GRIA4: variants seen among roughly 807,000 people sequenced by gnomAD.
The protein encoded by GRIA4 is glutamate receptor 4.
GRIA4 carries 34 observed loss-of-function variants against 104.0 expected under a neutral mutation model. The observed-to-expected ratio is 0.33, with a 90% CI of 0.25 to 0.44. The LOEUF is 0.44. GRIA4 is among the 20% of genes least tolerant of loss of function. GRIA4 has a pLI of 1.00. For missense variants in GRIA4, 750 were observed against 1,096.5 expected, an observed-to-expected ratio of 0.68 and a Z score of 4.46; for synonymous variants, 386 against 381.9, an observed-to-expected ratio of 1.01 and a Z score of -0.13.
chr11:105,870,209 TTC>T (rs1271251847), intron 5 of GRIA4, among the ~76,000 whole-genome samples: 3 of 150,440 alleles, frequency 2.0e-5, no homozygotes, highest in South Asian at 2.1e-4. Flanking sequence ...TTAATATATA[TTC>T]TGTTTTTATA....
intron 4 of GRIA4, among the ~76,000 whole-genome samples, chr11:105,796,297 A>G (rs1344872754): frequency 1.3e-5 from 2 of 152,086 alleles, no homozygotes; most frequent in Non-Finnish European, 2.9e-5. Flanking sequence ...TTTCTATTTG[A>G]TCAAATCTTC....
At chr11:105,727,061 T>C (rs1477117385) in intron 3 of GRIA4, among the ~76,000 whole-genome samples, 1 of 151,922 alleles carries the variant, frequency 6.6e-6, no homozygotes, top group Non-Finnish European at 1.5e-5. Context: ...AAGTAGGCTT[T>C]AGAAGGTGGG....
chr11:105,841,791 C>G (rs1046174060), intron 4 of GRIA4, among the ~76,000 whole-genome samples: 2 of 152,042 alleles, frequency 1.3e-5, no homozygotes, highest in Non-Finnish European at 2.9e-5. Context: ...CACTCCAGTT[C>G]GGATATGCAG....
chr11:105,681,131 A>G (rs1952696539), intron 3 of GRIA4, among the ~76,000 whole-genome samples: 1 of 152,240 alleles, frequency 6.6e-6, no homozygotes, highest in South Asian at 2.1e-4. Flanking sequence ...GAGAGAGCAT[A>G]TGATCCTTGG....
At chr11:105,860,021 G>T (rs2136014086) in intron 4 of GRIA4, among the ~76,000 whole-genome samples, 1 of 152,170 alleles carries the variant, frequency 6.6e-6, no homozygotes, top group East Asian at 1.9e-4. Context: ...TGGGGCGGAG[G>T]ATCTAGGTAA....
At chr11:105,769,953 C>G (rs866319858) in intron 4 of GRIA4, among the ~76,000 whole-genome samples, 5 of 152,036 alleles carry the variant, frequency 3.3e-5, no homozygotes, top group African/African-American at 1.2e-4. Context: ...AAGATATAGA[C>G]TACTAGTTAC....
At chr11:105,862,303 T>C in intron 5 of GRIA4, 95 bp downstream of exon 5, 1 of 685,634 alleles carries the variant, frequency 1.5e-6, no homozygotes, top group Non-Finnish European at 2.5e-6. Flanking sequence ...TCCCAGCTTT[T>C]AATTTGGAGT....
At chr11:105,949,765 T>C (rs1213409705) in intron 14 of GRIA4, among the ~76,000 whole-genome samples, 3 of 152,192 alleles carry the variant, frequency 2.0e-5, no homozygotes, top group Non-Finnish European at 2.9e-5. Context: ...TGTTCTAATA[T>C]GAGTTTGGAG....
At chr11:105,905,757 A>G (rs1366433325) in intron 9 of GRIA4, among the ~76,000 whole-genome samples, 2 of 152,188 alleles carry the variant, frequency 1.3e-5, no homozygotes, top group East Asian at 3.8e-4. Flanking sequence ...AATTTCAATG[A>G]CCAAAAGAGA....
At chr11:105,714,071 A>T (rs900620424) in intron 3 of GRIA4, among the ~76,000 whole-genome samples, 1 of 152,152 alleles carries the variant, frequency 6.6e-6, no homozygotes, top group Non-Finnish European at 1.5e-5. Flanking sequence ...CTTGTAGGTG[A>T]GAATTGTGGG....
rs57069838 is a variant in GRIA4, at chr11:105,883,276, CTT to C, written c.673-4229_673-4228del. Among the ~76,000 whole-genome samples the C allele has an allele frequency of 6.2e-3, 858 of 138,106 alleles. 3 individuals are homozygous for C. Among genetic ancestry groups the C allele is most frequent in the African/African-American group, 0.015 (568 of 37,380 alleles). 90.6% of individuals were successfully genotyped at this position (138,106 alleles called of 152,430 possible). A position where few individuals can be genotyped will look rare whatever the true frequency, so the allele number is the denominator to read the frequency against. On this transcript the variant is annotated intron_variant, in intron 5 of 16. Transcript: ENST00000282499. ...TATTTTTAGTCTAGTTGCACCGTTT[CTT>C]TTTTTTTTTTTTTAATACTTTTAAG...
chr11:105,885,888 C>A (rs1946238877), intron 5 of GRIA4, among the ~76,000 whole-genome samples: 1 of 152,172 alleles, frequency 6.6e-6, no homozygotes, highest in Non-Finnish European at 1.5e-5. Flanking sequence ...CTATTAGAAG[C>A]AAACAGAAAA....
At chr11:105,639,103 G>T (rs1951287387) in intron 3 of GRIA4, among the ~76,000 whole-genome samples, 1 of 152,020 alleles carries the variant, frequency 6.6e-6, no homozygotes, top group African/African-American at 2.4e-5. Flanking sequence ...CCTTTTACTT[G>T]GAATGGGAAT....
chr11:105,927,882 A>C (rs530040899), intron 13 of GRIA4, among the ~76,000 whole-genome samples: 1 of 152,040 alleles, frequency 6.6e-6, no homozygotes, highest in African/African-American at 2.4e-5. Flanking sequence ...ATTTATGTCA[A>C]TTGTTTAAAC....
intron 3 of GRIA4, among the ~76,000 whole-genome samples, chr11:105,642,571 G>A (rs1385689753): frequency 4.1e-5 from 5 of 122,026 alleles, no homozygotes; most frequent in South Asian, 2.8e-4. Flanking sequence ...AAAGGCTGTC[G>A]CCAGCACCTC....
At chr11:105,771,313 T>C (rs1941198155) in intron 4 of GRIA4, among the ~76,000 whole-genome samples, 1 of 152,068 alleles carries the variant, frequency 6.6e-6, no homozygotes, top group African/African-American at 2.4e-5. Flanking sequence ...TATGCTCCTA[T>C]GATTATGTTC....
chr11:105,673,281 C>G (rs1243289947), intron 3 of GRIA4, among the ~76,000 whole-genome samples: 3 of 152,120 alleles, frequency 2.0e-5, no homozygotes, highest in Non-Finnish European at 4.4e-5. Context: ...AATTAACTAA[C>G]AGAAGCGCTG....
intron 14 of GRIA4, among the ~76,000 whole-genome samples, chr11:105,953,533 T>C (rs1948509078): frequency 6.6e-6 from 1 of 152,198 alleles, no homozygotes; most frequent in South Asian, 2.1e-4. Context: ...ACAGAATGAA[T>C]AGTCTATGTA....
chr11:105,673,000 A>G (rs1952423242), intron 3 of GRIA4, among the ~76,000 whole-genome samples: 1 of 152,106 alleles, frequency 6.6e-6, no homozygotes, highest in Non-Finnish European at 1.5e-5. Flanking sequence ...TAGATGGGAT[A>G]GCTCAATTAA....
Sources: gnomAD v4.1 joint callset for allele counts (sites outside exome capture counted in the v4.1 genomes callset) on GRCh38, gnomAD v4.1.1 for gene constraint, MANE v1.5 for transcripts, NCBI Gene and HGNC (gene_info 2026-07-23, HGNC 2026-07-21) for gene names.